SPTY2D1: variants seen among roughly 807,000 people sequenced by gnomAD.
SPTY2D1 encodes the protein SPT2 chromatin protein domain containing 1.
Under a neutral mutation model 64.0 loss-of-function variants are expected in SPTY2D1, and 21 were observed. The observed-to-expected ratio is 0.33, with a 90% CI of 0.23 to 0.47. The LOEUF is 0.47. SPTY2D1 is among the 20% of genes least tolerant of loss of function. The probability of loss-of-function intolerance (pLI) is 1.00; values close to 1 mark genes in which losing one functional copy is unlikely to be tolerated. For missense variants in SPTY2D1, 724 were observed against 837.2 expected (o/e 0.86, Z 1.67); for synonymous variants, 287 against 286.8 (o/e 1.00, Z -0.01).
At chr11:18,619,045 T>C (rs933751315) in intron 1 of SPTY2D1, among the ~76,000 whole-genome samples, 1 of 152,068 alleles carries the variant, frequency 6.6e-6, no homozygotes, top group Admixed American at 6.6e-5. Flanking sequence ...GGGCTCAATA[T>C]TTAAAGGAGA....
Position 18,616,065 on chromosome 11 carries a change from A to T in SPTY2D1, c.209T>A (p.Val70Glu). Residue 70 changes from valine (V) to glutamate (E), a missense_variant, in exon 3 of 6, where the codon GTG becomes GAG. This residue lies in a region of SPTY2D1 where 179 missense variants were observed against 232.5 expected (regional missense o/e 0.77). Coordinates refer to ENST00000336349, the MANE Select transcript of SPTY2D1 (RefSeq NM_194285.3). Reference protein sequence around the residue: ...LEEKRRKEELVKKRIELKHDK... With the variant: ...LEEKRRKEELEKKRIELKHDK... The stretch of plus-strand genomic sequence containing the variant: ...ATGTTTGAGCTCAATTCGCTTTTTC[A>T]CTAGTTCCTCTTTTCTCCTTTTCTC... The T allele has an allele frequency of 6.2e-7, 1 of 1,611,206 alleles. No individual in the cohort carries two copies.
Position 18,634,279 on chromosome 11 carries a change from C to G in SPTY2D1, c.-22G>C. 1 of 1,613,896 alleles carries G rather than the reference C, an allele frequency of 6.2e-7. No homozygotes were observed. Among genetic ancestry groups the G allele is most frequent in the Non-Finnish European group, 8.5e-7 (1 of 1,179,902 alleles). The stretch of plus-strand genomic sequence containing the variant: ...CCATGTTGGGCCGAGGCGGGAGAGA[C>G]TGGGCCAGGCACTCGGAAAGGACTG... On this transcript the variant is annotated 5_prime_UTR_variant, in exon 1 of 6. Coordinates refer to ENST00000336349, the MANE Select transcript of SPTY2D1 (RefSeq NM_194285.3).
At position 18,619,457 on chromosome 11, in the gene SPTY2D1, A is replaced by T. The variant is rs942388774; in HGVS notation, c.61-2468T>A. Among the ~76,000 whole-genome samples, 158 of 109,914 alleles carry T rather than the reference A, an allele frequency of 1.4e-3. 1 individual carries two copies. The highest frequency in any genetic ancestry group is 0.013 in the Middle Eastern group (3 of 224). 72.1% of individuals were successfully genotyped at this position (109,914 alleles called of 152,430 possible). On this transcript the variant is annotated intron_variant, in intron 1 of 5. Transcript: ENST00000336349. ...CAACATGGTGAGAACTCATCTCTTT[A>T]AAAAAAAAAAAAAAAAAAAGGCTGG...
chr11:18,631,146 A>C (rs1854580240), intron 1 of SPTY2D1, among the ~76,000 whole-genome samples: 1 of 152,184 alleles, frequency 6.6e-6, no homozygotes, highest in Non-Finnish European at 1.5e-5. Flanking sequence ...GCCAGAAATA[A>C]AGCTGTTAAT....
intron 1 of SPTY2D1, among the ~76,000 whole-genome samples, chr11:18,631,625 A>G (rs1854591010): frequency 6.6e-6 from 1 of 151,398 alleles, no homozygotes; most frequent in Admixed American, 6.6e-5. Context: ...AAAACCACCA[A>G]ACACTTTATT....
chr11:18,621,323 CAGAAAAGAAAAGAAAAGAAA>C lies in SPTY2D1; in HGVS notation c.61-4354_61-4335del, dbSNP rs55880127. On this transcript the variant is annotated intron_variant, in intron 1 of 5. Transcript: ENST00000336349. ...AAGAGTGAAACTCTGTCTCAAAAAA[CAGAAAAGAAAAGAAAAGAAA>C]AGAAAAGAAAAGAAAAGAAAAGAAA... Among the ~76,000 whole-genome samples, 839 of 137,618 alleles carry C rather than the reference CAGAAAAGAAAAGAAAAGAAA, an allele frequency of 6.1e-3. 5 individuals are homozygous for C. Among genetic ancestry groups the C allele is most frequent in the Middle Eastern group, 0.018 (5 of 284 alleles). The allele number at this position is 137,618 out of a possible 152,430, so 90.3% of individuals were successfully genotyped here. A position where few individuals can be genotyped will look rare whatever the true frequency, so the allele number is the denominator to read the frequency against.
chr11:18,625,760 G>T (rs1452477554), intron 1 of SPTY2D1, among the ~76,000 whole-genome samples: 1 of 151,722 alleles, frequency 6.6e-6, no homozygotes, highest in Non-Finnish European at 1.5e-5. Flanking sequence ...AGAGATTGGG[G>T]GGGGGGTCTC....
chr11:18,612,289 T>C lies in SPTY2D1; in HGVS notation c.1886+25A>G, dbSNP rs371961217. ...TCAAAATAAAAAAAGGATGTCATAGTTATCTGAATCTTCTTTAGTCTTACT... is the reference window on the plus strand; with the variant it reads ...TCAAAATAAAAAAAGGATGTCATAGCTATCTGAATCTTCTTTAGTCTTACT... On this transcript the variant is annotated intron_variant, in intron 4 of 5. Coordinates refer to ENST00000336349, the MANE Select transcript of SPTY2D1 (RefSeq NM_194285.3). The surrounding 1 kb of genome is among the most constrained non-coding windows in gnomAD (Gnocchi z 4.6). 1.3e-6 allele frequency: 2 copies of C among 1,555,570 alleles called. No individual in the cohort carries two copies. Among genetic ancestry groups the C allele is most frequent in the Admixed American group, 2.0e-5 (1 of 49,278 alleles).
Position 18,607,050 on chromosome 11 carries a change from G to A in SPTY2D1, c.*2811C>T, listed in dbSNP as rs1442877908. 2.4e-5 allele frequency: 6 copies of A among 247,074 alleles called. No individual in the cohort carries two copies. Among genetic ancestry groups the A allele is most frequent in the South Asian group, 1.3e-4 (3 of 23,936 alleles). The allele number at this position is 247,074 out of a possible 1,614,324, so 15.3% of individuals were successfully genotyped here. On this transcript the variant is annotated 3_prime_UTR_variant, in exon 6 of 6. Coordinates refer to ENST00000336349, the MANE Select transcript of SPTY2D1 (RefSeq NM_194285.3). ...TAATTTTTTTATTTTTAGTAGAGAC[G>A]GGGTCTCACACCATGTTGGCCAGGC... is the stretch of plus-strand genomic sequence containing the variant.
At chr11:18,614,018 C>CA (rs1854247167) in intron 3 of SPTY2D1, among the ~76,000 whole-genome samples, 1 of 152,192 alleles carries the variant, frequency 6.6e-6, no homozygotes, top group Non-Finnish European at 1.5e-5. Context: ...CACGTACATT[C>CA]ACCCTGAATG....
At position 18,615,185 on chromosome 11, in the gene SPTY2D1, A is replaced by G. The variant is rs780279325; in HGVS notation, c.1089T>C (p.Ala363=). ...PGPMVTPHNK[A]KSPGVRQPGS... ...CTGGCTGCCTGACACCTGGACTCTT[A>G]GCCTTATTGTGTGGGGTGACCATGG... Residue 363 remains alanine (A), a synonymous_variant, in exon 3 of 6, where the codon GCT becomes GCC. Transcript: ENST00000336349. The G allele has an allele frequency of 6.2e-7, 1 of 1,614,180 alleles. No homozygotes were observed. The highest frequency in any genetic ancestry group is 8.5e-7 in the Non-Finnish European group (1 of 1,180,036).
At position 18,615,327 on chromosome 11, in the gene SPTY2D1, T is replaced by C; in HGVS notation, c.947A>G (p.His316Arg). ...KPVFNGAGKP[H>R]SSTSSPSVPK... is the part of the protein sequence containing the mutation. ...GACACTTGGTGAAGAGGTGCTGGAATGAGGCTTTCCAGCTCCATTAAAAAC... is the reference window on the plus strand; with the variant it reads ...GACACTTGGTGAAGAGGTGCTGGAACGAGGCTTTCCAGCTCCATTAAAAAC... The change falls in exon 3 of 6, where the codon CAT (histidine) becomes CGT (arginine). Residue 316 changes from histidine to arginine, a missense_variant. Physicochemically the swap from His to Arg is conservative, Grantham distance 29. Transcript: ENST00000336349. The C allele has an allele frequency of 1.2e-6, 2 of 1,614,220 alleles. No homozygotes were observed. The highest frequency in any genetic ancestry group is 1.1e-5 in the South Asian group (1 of 91,084).
At chr11:18,631,615 A>AC (rs1255241777) in intron 1 of SPTY2D1, among the ~76,000 whole-genome samples, 29 of 151,498 alleles carry the variant, frequency 1.9e-4, no homozygotes, top group Non-Finnish European at 5.9e-5. Context: ...AAAAAAAAAA[A>AC]AAACCACCAA....
intron 1 of SPTY2D1, among the ~76,000 whole-genome samples, chr11:18,622,068 CAGAGTA>C (rs1385219818): frequency 1.3e-5 from 1 of 78,874 alleles, no homozygotes; most frequent in African/African-American, 4.8e-5. Context: ...GCCTGAACAA[CAGAGTA>C]AGACCCTATC....
At chr11:18,632,274 A>G (rs1854600385) in intron 1 of SPTY2D1, among the ~76,000 whole-genome samples, 1 of 152,216 alleles carries the variant, frequency 6.6e-6, no homozygotes, top group Non-Finnish European at 1.5e-5. Flanking sequence ...TAACTAAATC[A>G]AACTTCTAGG....
At chr11:18,618,301 A>G (rs1043936156) in intron 1 of SPTY2D1, among the ~76,000 whole-genome samples, 2 of 152,014 alleles carry the variant, frequency 1.3e-5, no homozygotes, top group Non-Finnish European at 2.9e-5. Context: ...TTGCCTCACA[A>G]CCTCCTTTTT....
chr11:18,617,625 C>CAAAAA (rs71050616), intron 1 of SPTY2D1, among the ~76,000 whole-genome samples: 2 of 66,356 alleles, frequency 3.0e-5, no homozygotes, highest in African/African-American at 6.2e-5. Flanking sequence ...GACTCCGTCT[C>CAAAAA]AAAAAAAAAA....
intron 1 of SPTY2D1, among the ~76,000 whole-genome samples, chr11:18,619,881 A>G (rs7110470): frequency 0.083 from 12,613 of 152,218 alleles, 1,390 homozygotes; most frequent in African/African-American, 0.26. Context: ...ATATATTAGC[A>G]TTACTTATTT....
intron 1 of SPTY2D1, among the ~76,000 whole-genome samples, chr11:18,621,960 G>A (rs976191977): frequency 2.6e-5 from 4 of 151,488 alleles, no homozygotes; most frequent in Non-Finnish European, 4.4e-5. Flanking sequence ...AGTGGCATAT[G>A]CCTGTGGTCC....
Sources: allele counts gnomAD v4.1 joint callset (sites outside exome capture counted in the v4.1 genomes callset), GRCh38; gene constraint gnomAD v4.1.1; regional missense constraint gnomAD v4.1.1; non-coding constraint Gnocchi (gnomAD v3.1); transcripts MANE v1.5; gene names NCBI Gene and HGNC (gene_info 2026-07-23, HGNC 2026-07-21).